Variants in PTPRG observed in about 807,000 individuals in gnomAD.
PTPRG encodes the protein protein tyrosine phosphatase receptor type G, also known as receptor-type tyrosine-protein phosphatase gamma.
Under a neutral mutation model 165.3 loss-of-function variants are expected in PTPRG, and 102 were observed. The ratio of observed to expected loss-of-function variants is 0.62; its 90% CI spans 0.53 to 0.73. PTPRG has a LOEUF of 0.73. Ranked by LOEUF, PTPRG falls within the 30% of genes least tolerant of loss-of-function variation. The pLI is 0.00. For missense variants in PTPRG, 1,866 were observed against 1,861.4 expected (o/e 1.00, Z -0.05); for synonymous variants, 675 against 669.5 (o/e 1.01, Z -0.13).
At chr3:61,623,844 A>G (rs1701532931) in intron 1 of PTPRG, among the ~76,000 whole-genome samples, 1 of 152,226 alleles carries the variant, frequency 6.6e-6, no homozygotes, top group Non-Finnish European at 1.5e-5. Context: ...ACTTGAAGAA[A>G]CAAAACATCT....
chr3:62,029,298 T>A (rs376708368), intron 4 of PTPRG, among the ~76,000 whole-genome samples: 264 of 152,316 alleles, frequency 1.7e-3, no homozygotes, highest in South Asian at 7.7e-3. Context: ...TTGGAGACAC[T>A]GCTTACTTCA....
rs1703083360 is a variant in PTPRG at position 62,296,962 on chromosome 3, C to G, written c.*3655C>G. 1 of 151,982 alleles carries G rather than the reference C, an allele frequency of 6.6e-6. No individual in the cohort carries two copies. The highest frequency in any genetic ancestry group is 1.5e-5 in the Non-Finnish European group (1 of 67,954). The allele number at this position is 151,982 out of a possible 1,614,324, so 9.4% of individuals were successfully genotyped here. On this transcript the variant is annotated 3_prime_UTR_variant, in exon 30 of 30. Transcript: ENST00000474889. ...AAGTCGATTTTATAAAATGTCGCAA[C>G]TCTCCAACATTTGGGGTAGTGACTC...
intron 15 of PTPRG, among the ~76,000 whole-genome samples, chr3:62,249,812 T>A (rs1701371205): frequency 6.6e-6 from 1 of 152,232 alleles, no homozygotes; most frequent in Admixed American, 6.5e-5. Context: ...ATCATTTCAA[T>A]CCTTTTTGCT....
At chr3:61,613,247 G>A (rs1275714788) in intron 1 of PTPRG, among the ~76,000 whole-genome samples, 2 of 152,142 alleles carry the variant, frequency 1.3e-5, no homozygotes, top group East Asian at 3.9e-4. Context: ...GCAGAGAGAT[G>A]AAAATATGCT....
At chr3:61,609,337 C>T (rs965742524) in intron 1 of PTPRG, among the ~76,000 whole-genome samples, 3 of 152,160 alleles carry the variant, frequency 2.0e-5, no homozygotes, top group African/African-American at 7.2e-5. Flanking sequence ...AAGTCAGAAA[C>T]CTAGAAAGCC....
rs1022167617 is a variant in PTPRG, at chr3:62,219,944, A to C, written c.2288+961A>C. Among the ~76,000 whole-genome samples, 1 of 152,260 alleles carries C rather than the reference A, an allele frequency of 6.6e-6. No individual in the cohort carries two copies. The highest frequency in any genetic ancestry group is 1.5e-5 in the Non-Finnish European group (1 of 68,038). Reference sequence around the variant, plus strand: ...TAACTGGATAATGGAGAAAGCTTAAATCTGGAAAGGGGAGGGGCCCATGGG... The same window carrying C: ...TAACTGGATAATGGAGAAAGCTTAACTCTGGAAAGGGGAGGGGCCCATGGG... On this transcript the variant is annotated intron_variant, in intron 13 of 29. Transcript: ENST00000474889. The surrounding 1 kb of genome is among the most constrained non-coding windows in gnomAD (Gnocchi z 4.5).
At chr3:61,957,807 C>T (rs2040067903) in intron 2 of PTPRG, among the ~76,000 whole-genome samples, 1 of 152,218 alleles carries the variant, frequency 6.6e-6, no homozygotes, top group African/African-American at 2.4e-5. Context: ...CAGTTTTGCA[C>T]TATTGAATCA....
At chr3:62,143,709 T>C (rs1704013440) in intron 6 of PTPRG, among the ~76,000 whole-genome samples, 1 of 152,196 alleles carries the variant, frequency 6.6e-6, no homozygotes, top group South Asian at 2.1e-4. Context: ...ATTTTGTTAT[T>C]TTTCACTTGA....
At chr3:61,996,042 T>C (rs2107707943) in intron 3 of PTPRG, among the ~76,000 whole-genome samples, 1 of 152,258 alleles carries the variant, frequency 6.6e-6, no homozygotes, top group Non-Finnish European at 1.5e-5. Context: ...GCTCCTAGCA[T>C]TGGCCCCCTT....
chr3:61,799,266 A>C lies in PTPRG; in HGVS notation c.190+50284A>C, dbSNP rs2035160163. On this transcript the variant is annotated intron_variant, in intron 2 of 29. Coordinates refer to ENST00000474889, the MANE Select transcript of PTPRG (RefSeq NM_002841.4). ...ACATTTATCACCAGTAAAGAACCAA[A>C]ATTAATACATTTTGATTAAAGTTCA... Among the ~76,000 whole-genome samples, 3 of 151,900 alleles carry C rather than the reference A, an allele frequency of 2.0e-5. No individual in the cohort carries two copies. The South Asian group carries it at 6.2e-4, about 32-fold the overall frequency.
chr3:61,901,146 A>G (rs1300803629), intron 2 of PTPRG, among the ~76,000 whole-genome samples: 1 of 152,212 alleles, frequency 6.6e-6, no homozygotes, highest in Non-Finnish European at 1.5e-5. Flanking sequence ...CTACATTTAA[A>G]TATTTTTAAG....
At chr3:61,898,590 A>T (rs1005044731) in intron 2 of PTPRG, among the ~76,000 whole-genome samples, 1 of 152,168 alleles carries the variant, frequency 6.6e-6, no homozygotes, top group Non-Finnish European at 1.5e-5. Context: ...TTGGCAGTTG[A>T]AATAGGCATG....
chr3:61,816,845 A>T (rs1179724703), intron 2 of PTPRG, among the ~76,000 whole-genome samples: 1 of 151,368 alleles, frequency 6.6e-6, no homozygotes, highest in Non-Finnish European at 1.5e-5. Context: ...CACTGTGCTG[A>T]TGAGAAAAGT....
chr3:61,831,042 C>T (rs2036276067), intron 2 of PTPRG, among the ~76,000 whole-genome samples: 1 of 152,212 alleles, frequency 6.6e-6, no homozygotes, highest in African/African-American at 2.4e-5. Flanking sequence ...CTTGTACTGT[C>T]TGATATTCTC....
intron 2 of PTPRG, among the ~76,000 whole-genome samples, chr3:61,761,975 C>T (rs775990580): frequency 2.0e-5 from 3 of 152,130 alleles, no homozygotes; most frequent in Non-Finnish European, 4.4e-5. Context: ...CATTAGTACA[C>T]TGAGTATTGA....
chr3:61,751,738 CCCAGCACTTT>C (rs2033437222), intron 2 of PTPRG, among the ~76,000 whole-genome samples: 1 of 152,166 alleles, frequency 6.6e-6, no homozygotes, highest in East Asian at 1.9e-4. Flanking sequence ...CGCCTGTAAT[CCCAGCACTTT>C]GGGAGGCCGA....
chr3:62,158,408 A>C (rs1436113986), intron 7 of PTPRG, among the ~76,000 whole-genome samples: 1 of 152,200 alleles, frequency 6.6e-6, no homozygotes, highest in African/African-American at 2.4e-5. Context: ...ACTGGAAGGT[A>C]CTTAGGATGT....
intron 1 of PTPRG, among the ~76,000 whole-genome samples, chr3:61,706,876 C>G (rs544780632): frequency 1.3e-5 from 2 of 152,238 alleles, no homozygotes; most frequent in South Asian, 4.1e-4. Flanking sequence ...ATGAAACATG[C>G]TTAACCTACC....
chr3:61,752,141 G>A (rs1300045767), intron 2 of PTPRG, among the ~76,000 whole-genome samples: 1 of 152,144 alleles, frequency 6.6e-6, no homozygotes, highest in Non-Finnish European at 1.5e-5. Flanking sequence ...TTGACAGTGG[G>A]TGATGACTGG....
Sources: allele counts gnomAD v4.1 joint callset (sites outside exome capture counted in the v4.1 genomes callset), GRCh38; gene constraint gnomAD v4.1.1; non-coding constraint Gnocchi (gnomAD v3.1); transcripts MANE v1.5; gene names NCBI Gene and HGNC (gene_info 2026-07-23, HGNC 2026-07-21).